Variants in NAALADL2 observed in about 807,000 individuals in gnomAD.
NAALADL2 encodes the protein N-acetylated alpha-linked acidic dipeptidase like 2.
A neutral mutation model predicts 87.2 loss-of-function variants in NAALADL2; 76 were observed. That is an observed-to-expected ratio of 0.87 (90% confidence interval 0.72 to 1.05). The LOEUF is 1.05. Ranked by LOEUF, NAALADL2 falls within the 50% of genes least tolerant of loss-of-function variation. The probability of loss-of-function intolerance (pLI) is 0.00; values close to 1 mark genes in which losing one functional copy is unlikely to be tolerated. For synonymous variants in NAALADL2, 354 were observed against 331.0 expected (o/e 1.07, Z -0.75); for missense variants, 1,089 against 945.8 (o/e 1.15, Z -1.99).
chr3:175,016,279 A>ATATG (rs1473226199), intron 1 of NAALADL2, among the ~76,000 whole-genome samples: 101 of 148,638 alleles, frequency 6.8e-4, no homozygotes, highest in South Asian at 3.8e-3. Flanking sequence ...ATATATATAA[A>ATATG]AAACAATAGC....
intron 4 of NAALADL2, among the ~76,000 whole-genome samples, chr3:175,273,219 A>G (rs1581216560): frequency 6.6e-6 from 1 of 152,130 alleles, no homozygotes; most frequent in Non-Finnish European, 1.5e-5. Context: ...GTAGGTTGCA[A>G]TATAAGTGTT....
intron 11 of NAALADL2, among the ~76,000 whole-genome samples, chr3:175,690,933 C>G (rs758621527): frequency 2.6e-5 from 4 of 151,732 alleles, no homozygotes; most frequent in Non-Finnish European, 4.4e-5. Flanking sequence ...GTCAGTTCTT[C>G]TATGTTGGTA....
At chr3:175,776,039 T>C (rs1005367125) in intron 13 of NAALADL2, among the ~76,000 whole-genome samples, 1 of 152,096 alleles carries the variant, frequency 6.6e-6, no homozygotes, top group Non-Finnish European at 1.5e-5. Context: ...CAAAGCTAAG[T>C]TGGTCACCTC....
chr3:174,944,837 C>T (rs1438785511), intron 1 of NAALADL2, among the ~76,000 whole-genome samples: 1 of 152,080 alleles, frequency 6.6e-6, no homozygotes, highest in Non-Finnish European at 1.5e-5. Flanking sequence ...GTCACCACTT[C>T]CCTGGGCAGG....
intron 3 of NAALADL2, among the ~76,000 whole-genome samples, chr3:175,249,653 T>C (rs1748648207): frequency 6.6e-6 from 1 of 152,178 alleles, no homozygotes; most frequent in Non-Finnish European, 1.5e-5. Flanking sequence ...CCAAGTAGTT[T>C]TGTTCCTCCC....
At chr3:174,587,204 G>A (rs1473705602) in intron 2 of NAALADL2, among the ~76,000 whole-genome samples, 1 of 152,058 alleles carries the variant, frequency 6.6e-6, no homozygotes, top group Non-Finnish European at 1.5e-5. Context: ...TGGTGAATAT[G>A]TGCCACATTT....
At chr3:174,538,871 T>C (rs1254044077) in intron 1 of NAALADL2, among the ~76,000 whole-genome samples, 2 of 152,162 alleles carry the variant, frequency 1.3e-5, no homozygotes. Context: ...ACTGCACCAA[T>C]GTACATCTTA....
intron 9 of NAALADL2, among the ~76,000 whole-genome samples, chr3:175,504,148 A>G (rs1389279211): frequency 5.9e-5 from 9 of 152,190 alleles, no homozygotes; most frequent in South Asian, 4.1e-4. Context: ...ATGGCTAGCC[A>G]GTTATCCCAA....
intron 2 of NAALADL2, among the ~76,000 whole-genome samples, chr3:174,674,514 T>C (rs1471468340): frequency 1.3e-5 from 2 of 152,064 alleles, no homozygotes; most frequent in African/African-American, 4.8e-5. Context: ...TCTTCCTTTT[T>C]TTTTTCCACC....
Position 175,256,718 on chromosome 3 carries a change from TAA to T in NAALADL2, c.939+189_939+190del, listed in dbSNP as rs1200877904. On this transcript the variant is annotated intron_variant, in intron 4 of 13. Transcript: ENST00000454872. Reference sequence around the variant, plus strand: ...TTTTCCACATTAGAACATTTTAATTTAAGATATTTAAGAACAATATATTTATG... The same window carrying T: ...TTTTCCACATTAGAACATTTTAATTTGATATTTAAGAACAATATATTTATG... The T allele has an allele frequency of 1.2e-5, 5 of 414,742 alleles. No homozygotes were observed. The East Asian group carries it at 1.6e-4, about 13-fold the overall frequency. The allele number at this position is 414,742 out of a possible 1,614,324, so 25.7% of individuals were successfully genotyped here. A position where few individuals can be genotyped will look rare whatever the true frequency, so the allele number is the denominator to read the frequency against.
At chr3:174,953,725 C>G (rs1740753802) in intron 1 of NAALADL2, among the ~76,000 whole-genome samples, 1 of 152,008 alleles carries the variant, frequency 6.6e-6, no homozygotes, top group Non-Finnish European at 1.5e-5. Context: ...GTGCCACACT[C>G]TGTTGCAAGC....
chr3:175,279,787 AGTGT>A (rs34107349), intron 4 of NAALADL2, among the ~76,000 whole-genome samples: 14,671 of 125,524 alleles, frequency 0.12, 1,761 homozygotes, highest in African/African-American at 0.3. Flanking sequence ...ATAGTGTGTG[AGTGT>A]GTGTGTGTGT....
intron 3 of NAALADL2, among the ~76,000 whole-genome samples, chr3:174,836,140 T>C (rs1478503007): frequency 6.6e-6 from 1 of 152,206 alleles, no homozygotes; most frequent in Non-Finnish European, 1.5e-5. Context: ...TACAGTGGAA[T>C]ACCATTCAGT....
At chr3:175,381,000 T>C (rs997813352) in intron 5 of NAALADL2, among the ~76,000 whole-genome samples, 1 of 152,074 alleles carries the variant, frequency 6.6e-6, no homozygotes, top group African/African-American at 2.4e-5. Flanking sequence ...ATAAGACATT[T>C]GTTATGAGAA....
chr3:175,237,087 T>C (rs1746034941), intron 3 of NAALADL2, among the ~76,000 whole-genome samples: 1 of 152,142 alleles, frequency 6.6e-6, no homozygotes, highest in Non-Finnish European at 1.5e-5. Context: ...TAGTTTAAAA[T>C]ATATGTAATA....
chr3:175,580,139 C>A (rs73883203), intron 10 of NAALADL2, among the ~76,000 whole-genome samples: 1 of 151,872 alleles, frequency 6.6e-6, no homozygotes, highest in African/African-American at 2.4e-5. Context: ...ATTCAAGTAC[C>A]GTAGGTATTT....
upstream of NAALADL2, among the ~76,000 whole-genome samples, chr3:174,854,835 C>CTTTTTTTTTTT (rs68116968): frequency 9.8e-5 from 11 of 111,990 alleles, no homozygotes; most frequent in African/African-American, 1.5e-4. Context: ...GCTTTTTTTT[C>CTTTTTTTTTTT]TTTTTTTTTT....
intron 5 of NAALADL2, among the ~76,000 whole-genome samples, chr3:175,343,655 G>GTTTTTCTTTTTTT (rs1762798548): frequency 1.5e-5 from 1 of 64,726 alleles, no homozygotes; most frequent in African/African-American, 4.6e-5. Flanking sequence ...TCTTGATCAT[G>GTTTTTCTTTTTTT]TTTTTTTTTT....
chr3:174,595,919 G>A (rs1023432985), intron 2 of NAALADL2, among the ~76,000 whole-genome samples: 2 of 152,266 alleles, frequency 1.3e-5, no homozygotes, highest in East Asian at 3.9e-4. Context: ...GGCTGAGGCA[G>A]GAGAATTGCT....
Sources: gnomAD v4.1 joint callset for allele counts (sites outside exome capture counted in the v4.1 genomes callset) on GRCh38, gnomAD v4.1.1 for gene constraint, MANE v1.5 for transcripts, NCBI Gene and HGNC (gene_info 2026-07-23, HGNC 2026-07-21) for gene names.